The following NPC1 variants were observed in gnomAD, a reference collection of about 807,000 sequenced individuals.
NPC1 encodes the protein Niemann-Pick C1 protein.
Under a neutral mutation model 140.4 loss-of-function variants are expected in NPC1, and 85 were observed. That is an observed-to-expected ratio of 0.61 (90% CI 0.51 to 0.72). NPC1 has a LOEUF of 0.72. Ranked by LOEUF, NPC1 falls within the 30% of genes least tolerant of loss-of-function variation. The pLI is 0.00. For missense variants in NPC1, 1,504 were observed against 1,623.8 expected (o/e 0.93, Z 1.27); for synonymous variants, 656 against 624.8 (o/e 1.05, Z -0.74).
chr18:23,567,819 T>G (rs2059147939), intron 4 of NPC1, among the ~76,000 whole-genome samples: 1 of 152,256 alleles, frequency 6.6e-6, no homozygotes, highest in Non-Finnish European at 1.5e-5. Flanking sequence ...TACATTAGTA[T>G]TCCTATTGCT....
downstream of NPC1, among the ~76,000 whole-genome samples, chr18:23,519,581 A>G (rs2058093243): frequency 6.6e-6 from 1 of 152,090 alleles, no homozygotes; most frequent in Non-Finnish European, 1.5e-5. Context: ...TTATGCTAAG[A>G]GTTTTGGTCT....
intron 1 of NPC1, chr18:23,524,122 A>G: frequency 1.2e-6 from 2 of 1,614,136 alleles, no homozygotes; most frequent in Non-Finnish European, 8.5e-7. Flanking sequence ...TGTTTTCTCA[A>G]TTTGTAGGTC....
At chr18:23,516,269 A>G in intron 3 of NPC1, 1 of 1,578,074 alleles carries the variant, frequency 6.3e-7, no homozygotes, top group Non-Finnish European at 8.7e-7. Flanking sequence ...GAATGATGAA[A>G]CATTGAAGGG....
At chr18:23,573,884 T>C (rs2059237935) in intron 1 of NPC1, among the ~76,000 whole-genome samples, 1 of 152,206 alleles carries the variant, frequency 6.6e-6, no homozygotes, top group Admixed American at 6.5e-5. Context: ...AGCAAGATAG[T>C]GACTTAGCAA....
chr18:23,523,019 T>C (rs2058184887), intron 1 of NPC1: 1 of 152,232 alleles, frequency 6.6e-6, no homozygotes, highest in African/African-American at 2.4e-5. Context: ...TAGGATCATC[T>C]GGGGGGCCTT....
chr18:23,582,964 T>C (rs2059374071), intron 1 of NPC1, among the ~76,000 whole-genome samples: 1 of 151,478 alleles, frequency 6.6e-6, no homozygotes, highest in Non-Finnish European at 1.5e-5. Context: ...TAAAAATTAG[T>C]TGGGCATGGT....
At chr18:23,523,836 G>T (rs1322078262) in intron 1 of NPC1, among the ~76,000 whole-genome samples, 1 of 152,136 alleles carries the variant, frequency 6.6e-6, no homozygotes, top group Non-Finnish European at 1.5e-5. Flanking sequence ...TCCTTAACGT[G>T]CATATGTAAA....
chr18:23,530,444 T>G, downstream of NPC1: 1 of 1,614,290 alleles, frequency 6.2e-7, no homozygotes, highest in Non-Finnish European at 8.5e-7. Flanking sequence ...ACACCAAGTG[T>G]TAGCTGCCTT....
At chr18:23,524,058 T>C (rs1482421807) in intron 1 of NPC1, 2 of 1,458,264 alleles carry the variant, frequency 1.4e-6, no homozygotes, top group Non-Finnish European at 1.9e-6. Context: ...GTATTGACTT[T>C]TGTGTCATAA....
downstream of NPC1, chr18:23,529,359 A>T: frequency 6.4e-7 from 1 of 1,556,378 alleles, no homozygotes; most frequent in Non-Finnish European, 8.6e-7. Context: ...AAGTTGCTGA[A>T]AACGAGGAGA....
downstream of NPC1, among the ~76,000 whole-genome samples, chr18:23,520,781 A>G (rs1484244245): frequency 2.7e-5 from 4 of 150,476 alleles, no homozygotes; most frequent in African/African-American, 7.4e-5. Flanking sequence ...CAAGTATTCA[A>G]TCGCTTAAAT....
intron 3 of NPC1, 138 bp from the exon 4 acceptor site, chr18:23,569,136 T>C: frequency 1.5e-6 from 1 of 669,658 alleles, no homozygotes; most frequent in Non-Finnish European, 2.6e-6. Flanking sequence ...AAACCAGCAA[T>C]TCTAAACTTA....
intron 4 of NPC1, among the ~76,000 whole-genome samples, chr18:23,563,759 C>A (rs921055252): frequency 1.1e-4 from 16 of 152,130 alleles, no homozygotes; most frequent in African/African-American, 3.9e-4. Context: ...CTATTTTCCA[C>A]AGCCTTGTCA....
intron 21 of NPC1, among the ~76,000 whole-genome samples, 189 bp downstream of exon 21, chr18:23,536,482 TCA>T (rs1312573993): frequency 6.6e-6 from 1 of 152,198 alleles, no homozygotes; most frequent in Admixed American, 6.5e-5. Flanking sequence ...CCTCAGGCCT[TCA>T]CAGAGACTTT....
intron 3 of NPC1, chr18:23,507,119 C>G: frequency 2.6e-6 from 3 of 1,161,112 alleles, no homozygotes; most frequent in South Asian, 1.4e-5. Context: ...GAGAAGGAAT[C>G]GCAAATTTTC....
chr18:23,520,861 G>A (rs544081837), downstream of NPC1, among the ~76,000 whole-genome samples: 1 of 152,238 alleles, frequency 6.6e-6, no homozygotes, highest in Admixed American at 6.5e-5. Context: ...GATTACAGGC[G>A]TGCACCACCA....
chr18:23,560,019 A>C (rs2059015073), intron 6 of NPC1, among the ~76,000 whole-genome samples: 1 of 152,228 alleles, frequency 6.6e-6, no homozygotes, highest in African/African-American at 2.4e-5. Flanking sequence ...CATTTTGAAT[A>C]AATCAGTAAA....
chr18:23,530,317 T>G, downstream of NPC1: 1 of 1,614,094 alleles, frequency 6.2e-7, no homozygotes. Flanking sequence ...ATGTGTGAGG[T>G]TTTAGACTAT....
At position 23,571,727 on chromosome 18, in the gene NPC1, T is replaced by C. The variant is rs76311060; in HGVS notation, c.287+347A>G. 0.024 allele frequency among the ~76,000 whole-genome samples: 3,609 copies of C among 151,600 alleles called. 282 individuals are homozygous for C. In the East Asian group the frequency reaches 0.3, roughly 13 times the overall value. On this transcript the variant is annotated intron_variant, in intron 3 of 24. Coordinates refer to ENST00000269228, the MANE Select transcript of NPC1 (RefSeq NM_000271.5). ...GGTAGTGCATGCCTGTAGTCCTAGC[T>C]ACTCAGGAGGCTAAGGTAGAACAAT...
Sources: gnomAD v4.1 joint callset for allele counts (sites outside exome capture counted in the v4.1 genomes callset) on GRCh38, gnomAD v4.1.1 for gene constraint, MANE v1.5 for transcripts, NCBI Gene and HGNC (gene_info 2026-07-23, HGNC 2026-07-21) for gene names.